The following LRRC7 variants were observed in gnomAD, a reference collection of about 807,000 sequenced individuals.
LRRC7 encodes leucine-rich repeat-containing protein 7.
In LRRC7, 23 loss-of-function variants were observed where a neutral mutation model predicts 175.7. The observed-to-expected ratio is 0.13, with a 90% confidence interval of 0.09 to 0.19. The LOEUF is 0.19. Among genes scored for constraint, LRRC7 ranks in the 10% least tolerant of loss-of-function variants. LRRC7 has a pLI of 1.00. For missense variants in LRRC7, 1,354 were observed against 1,904.7 expected, an observed-to-expected ratio of 0.71 and a Z score of 5.38; for synonymous variants, 685 against 680.9, an observed-to-expected ratio of 1.01 and a Z score of -0.09.
chr1:70,059,973 A>G (rs1465735144), intron 23 of LRRC7, among the ~76,000 whole-genome samples: 5 of 152,034 alleles, frequency 3.3e-5, no homozygotes, highest in Admixed American at 2.0e-4. Context: ...CTATATATCT[A>G]GAAATTTAAA....
intron 1 of LRRC7, among the ~76,000 whole-genome samples, chr1:69,663,700 ATTTTTTTTTTTTTTTT>A (rs552339451): frequency 1.3e-4 from 9 of 67,728 alleles, no homozygotes; most frequent in Non-Finnish European, 2.3e-4. Flanking sequence ...AATCGTTTTA[ATTTTTTTTTTTTTTTT>A]TTTTTTTTTT....
chr1:69,590,266 A>G (rs1646579208), intron 1 of LRRC7, among the ~76,000 whole-genome samples: 1 of 152,152 alleles, frequency 6.6e-6, no homozygotes. Flanking sequence ...TAAAGTCAGG[A>G]GGCATGGTTA....
chr1:69,935,697 C>A (rs1423352806), intron 8 of LRRC7, among the ~76,000 whole-genome samples: 4 of 152,018 alleles, frequency 2.6e-5, no homozygotes, highest in African/African-American at 7.2e-5. Flanking sequence ...TTATGGAGAT[C>A]TTTGATATAT....
chr1:69,940,371 T>C (rs1648585718), intron 8 of LRRC7, among the ~76,000 whole-genome samples: 1 of 152,096 alleles, frequency 6.6e-6, no homozygotes, highest in Admixed American at 6.6e-5. Context: ...CGTTTCTCAT[T>C]AACAAAATAT....
At chr1:69,735,368 C>T (rs1667997638) in intron 2 of LRRC7, among the ~76,000 whole-genome samples, 1 of 152,082 alleles carries the variant, frequency 6.6e-6, no homozygotes, top group Non-Finnish European at 1.5e-5. Flanking sequence ...CTTCTCCAGT[C>T]ATCTTTTAAA....
chr1:69,696,054 G>C (rs533298389), intron 2 of LRRC7, among the ~76,000 whole-genome samples: 35 of 152,306 alleles, frequency 2.3e-4, no homozygotes, highest in Middle Eastern at 3.4e-3. Flanking sequence ...CTGCCCTCCA[G>C]ACCCCTGAAT....
chr1:69,659,080 C>T (rs1657062303), intron 1 of LRRC7, among the ~76,000 whole-genome samples: 1 of 152,102 alleles, frequency 6.6e-6, no homozygotes, highest in South Asian at 2.1e-4. Flanking sequence ...TCTGCTCACC[C>T]ACAGCCTACT....
At chr1:69,964,389 TG>T (rs1651451891) in intron 8 of LRRC7, among the ~76,000 whole-genome samples, 1 of 152,196 alleles carries the variant, frequency 6.6e-6, no homozygotes, top group Non-Finnish European at 1.5e-5. Flanking sequence ...CGACAAAGCC[TG>T]GATCTGAACT....
rs1646824827 is a variant in LRRC7, at chr1:69,919,694, G to A, written c.648-11813G>A. ...CTCACAATTCAGCGACTGCAGCTCG[G>A]CCAAGGCCAGGGGAGACCTGGGTGC... On this transcript the variant is annotated intron_variant, in intron 7 of 26. Coordinates refer to ENST00000651989, the MANE Select transcript of LRRC7 (RefSeq NM_001370785.2). 9.2e-6 allele frequency: 9 copies of A among 979,938 alleles called. No homozygotes were observed. The South Asian group carries it at 1.3e-4, about 14-fold the overall frequency. 60.7% of individuals were successfully genotyped at this position (979,938 alleles called of 1,614,324 possible).
At chr1:69,716,177 G>A (rs777073901) in intron 2 of LRRC7, 2 of 461,120 alleles carry the variant, frequency 4.3e-6, no homozygotes, top group South Asian at 6.1e-5. Flanking sequence ...AAGTCAAAGT[G>A]GTCACAACCT....
At chr1:69,779,977 G>A (rs1021901052) in intron 3 of LRRC7, among the ~76,000 whole-genome samples, 1 of 152,130 alleles carries the variant, frequency 6.6e-6, no homozygotes, top group East Asian at 1.9e-4. Context: ...CCCAAGCACT[G>A]CTGGCACCAA....
At chr1:69,912,070 T>A (rs368037527) in intron 7 of LRRC7, among the ~76,000 whole-genome samples, 15 of 152,326 alleles carry the variant, frequency 9.8e-5, no homozygotes, top group African/African-American at 3.6e-4. Context: ...TAGGTGCAAC[T>A]ACTATGCCAT....
At chr1:69,600,883 C>G (rs1210162160) in intron 1 of LRRC7, among the ~76,000 whole-genome samples, 2 of 134,710 alleles carry the variant, frequency 1.5e-5, no homozygotes, top group East Asian at 4.9e-4. Context: ...ACGCTCTCGG[C>G]TCACTCCAAC....
rs190226608 is a variant in LRRC7, at chr1:69,928,898, G to A, written c.648-2609G>A. On this transcript the variant is annotated intron_variant, in intron 7 of 26. Coordinates refer to ENST00000651989, the MANE Select transcript of LRRC7 (RefSeq NM_001370785.2). ...AATGCAGAAATCACCCGTCTTCTGC[G>A]TCGCTTACGCTGGGAGCTGTAGACC... Among the ~76,000 whole-genome samples the A allele has an allele frequency of 1.9e-3, 294 of 152,324 alleles. 1 individual carries two copies. Among genetic ancestry groups the A allele is most frequent in the Middle Eastern group, 0.014 (4 of 294 alleles).
At chr1:70,094,531 A>G (rs111280045) in intron 25 of LRRC7, among the ~76,000 whole-genome samples, 4 of 152,342 alleles carry the variant, frequency 2.6e-5, no homozygotes, top group African/African-American at 4.8e-5. Flanking sequence ...ATAAATTACT[A>G]TAAATTATTT....
chr1:69,984,448 G>A (rs896966260), intron 9 of LRRC7, among the ~76,000 whole-genome samples: 3 of 152,110 alleles, frequency 2.0e-5, no homozygotes, highest in Non-Finnish European at 4.4e-5. Flanking sequence ...GTATGCACAG[G>A]TAGACCAGAT....
chr1:69,571,718 A>G (rs1469099828), intron 1 of LRRC7, among the ~76,000 whole-genome samples: 1 of 152,140 alleles, frequency 6.6e-6, no homozygotes, highest in Non-Finnish European at 1.5e-5. Context: ...TATTTGCTGA[A>G]TGACTGTGGC....
chr1:69,850,802 T>C (rs1682891829), intron 7 of LRRC7, among the ~76,000 whole-genome samples: 1 of 152,114 alleles, frequency 6.6e-6, no homozygotes, highest in Admixed American at 6.6e-5. Flanking sequence ...GTTTGAGATG[T>C]CTATTAAACA....
intron 1 of LRRC7, among the ~76,000 whole-genome samples, chr1:69,675,448 C>T (rs1659635198): frequency 6.6e-6 from 1 of 152,106 alleles, no homozygotes; most frequent in Non-Finnish European, 1.5e-5. Context: ...ATGTATTCCC[C>T]AACCAACATA....
Sources: gnomAD v4.1 joint callset for allele counts (sites outside exome capture counted in the v4.1 genomes callset) on GRCh38, gnomAD v4.1.1 for gene constraint, MANE v1.5 for transcripts, NCBI Gene and HGNC (gene_info 2026-07-23, HGNC 2026-07-21) for gene names.